CHCHD6: variants seen among roughly 807,000 people sequenced by gnomAD.
The protein encoded by CHCHD6 is MICOS complex subunit MIC25.
In CHCHD6, 28 loss-of-function variants were observed where a neutral mutation model predicts 32.3. The ratio of observed to expected loss-of-function variants is 0.87; its 90% CI spans 0.64 to 1.19. The LOEUF (loss-of-function observed/expected upper bound fraction) is 1.19, where lower values mean the gene tolerates loss of function less well. Ranked by LOEUF, CHCHD6 falls within the 50% of genes most tolerant of loss-of-function variation. The pLI, the probability that CHCHD6 is intolerant of heterozygous loss-of-function variation, is 0.00. For synonymous variants in CHCHD6, 122 were observed against 117.5 expected (o/e 1.04, Z -0.25); for missense variants, 333 against 307.0 (o/e 1.08, Z -0.63).
intron 5 of CHCHD6, among the ~76,000 whole-genome samples, chr3:126,874,140 C>T (rs1034623731): frequency 3.9e-5 from 6 of 152,164 alleles, no homozygotes; most frequent in Admixed American, 1.3e-4. Context: ...GAACTCATGA[C>T]GCCTCAGGAC....
chr3:126,768,059 T>A (rs976999409), intron 4 of CHCHD6, among the ~76,000 whole-genome samples: 1 of 152,206 alleles, frequency 6.6e-6, no homozygotes, highest in Non-Finnish European at 1.5e-5. Flanking sequence ...AGTGAACATA[T>A]GTGATATGGT....
chr3:126,925,901 A>G (rs1280134184), intron 6 of CHCHD6, among the ~76,000 whole-genome samples: 1 of 152,212 alleles, frequency 6.6e-6, no homozygotes, highest in Non-Finnish European at 1.5e-5. Flanking sequence ...TCTAGAACTT[A>G]ACCTCTGATT....
At chr3:126,884,602 C>T (rs1412559474) in intron 5 of CHCHD6, among the ~76,000 whole-genome samples, 2 of 152,154 alleles carry the variant, frequency 1.3e-5, no homozygotes, top group Non-Finnish European at 2.9e-5. Flanking sequence ...AGGAACTGAA[C>T]TTGTTTTGAA....
At chr3:126,749,009 A>G (rs1398167787) in intron 4 of CHCHD6, among the ~76,000 whole-genome samples, 1 of 152,244 alleles carries the variant, frequency 6.6e-6, no homozygotes, top group African/African-American at 2.4e-5. Context: ...AGGAGTGGAC[A>G]TGTGAGCCGC....
rs568390131 is a variant in CHCHD6 at position 126,938,402 on chromosome 3, A to G, written c.567-19014A>G. On this transcript the variant is annotated intron_variant, in intron 6 of 7. Coordinates refer to ENST00000290913, the MANE Select transcript of CHCHD6 (RefSeq NM_032343.3). ...AAGATGGTGATACGAGAACAAGGCA[A>G]TGAGCTGGGTGTTTAGATGCTGTGG... Among the ~76,000 whole-genome samples, 46 of 152,312 alleles carry G rather than the reference A, an allele frequency of 3.0e-4. 1 individual carries two copies. The highest frequency in any genetic ancestry group is 1.1e-3 in the African/African-American group (46 of 41,584).
chr3:126,733,220 C>G lies in CHCHD6; in HGVS notation c.409C>G (p.Leu137Val). 1.2e-6 allele frequency: 2 copies of G among 1,613,230 alleles called. No individual in the cohort carries two copies. Among genetic ancestry groups the G allele is most frequent in the Non-Finnish European group, 1.7e-6 (2 of 1,179,652 alleles). ...CCATGAGGAGCAGAAGTCAGTCCGGCTGGTGAGTGCAGATTTTCCCTGATC... is the reference window on the plus strand; with the variant it reads ...CCATGAGGAGCAGAAGTCAGTCCGGGTGGTGAGTGCAGATTTTCCCTGATC... Reference protein sequence around the residue: ...ISHEEQKSVRLARELESREAE... With the variant: ...ISHEEQKSVRVARELESREAE... The change falls in exon 4 of 8, where the codon CTG becomes GTG. Residue 137 changes from leucine to valine, a missense_variant and splice_region_variant. Physicochemically the swap from Leu to Val is conservative, Grantham distance 32. Coordinates refer to ENST00000290913, the MANE Select transcript of CHCHD6 (RefSeq NM_032343.3).
chr3:126,958,730 A>C (rs1293962265), intron 7 of CHCHD6, among the ~76,000 whole-genome samples: 10 of 152,210 alleles, frequency 6.6e-5, no homozygotes, highest in Admixed American at 5.9e-4. Flanking sequence ...CAAGAGAGGG[A>C]AGCCCTGGGT....
At chr3:126,712,261 T>C (rs1421138031) in intron 1 of CHCHD6, among the ~76,000 whole-genome samples, 5 of 152,228 alleles carry the variant, frequency 3.3e-5, no homozygotes, top group Non-Finnish European at 7.3e-5. Flanking sequence ...AAGGGTTTAG[T>C]TGAATATCCT....
chr3:126,864,625 C>G (rs1375407743), intron 5 of CHCHD6, among the ~76,000 whole-genome samples: 1 of 147,068 alleles, frequency 6.8e-6, no homozygotes, highest in Non-Finnish European at 1.5e-5. Flanking sequence ...CCACCTCCTT[C>G]TCCTCCACCA....
chr3:126,753,993 T>G (rs772918776), intron 4 of CHCHD6, among the ~76,000 whole-genome samples: 12 of 152,190 alleles, frequency 7.9e-5, no homozygotes, highest in Non-Finnish European at 1.3e-4. Flanking sequence ...GGGATCCTGT[T>G]AGAATTATTC....
At chr3:126,769,590 G>A (rs1937508175) in intron 4 of CHCHD6, among the ~76,000 whole-genome samples, 1 of 152,016 alleles carries the variant, frequency 6.6e-6, no homozygotes, top group Non-Finnish European at 1.5e-5. Context: ...TGCAACCTCT[G>A]CCTCCCAGTT....
intron 4 of CHCHD6, among the ~76,000 whole-genome samples, chr3:126,792,241 AATATAGAAT>A (rs916826366): frequency 1.4e-5 from 2 of 147,504 alleles, no homozygotes; most frequent in Non-Finnish European, 3.0e-5. Context: ...TATATATTCT[AATATAGAAT>A]ATATATTCTA....
chr3:126,744,279 G>A (rs1219167747), intron 4 of CHCHD6, among the ~76,000 whole-genome samples: 1 of 152,178 alleles, frequency 6.6e-6, no homozygotes, highest in East Asian at 1.9e-4. Context: ...CTACCATTCT[G>A]CTTTTTCCTT....
chr3:126,833,039 A>C (rs1940704594), intron 4 of CHCHD6, among the ~76,000 whole-genome samples: 1 of 152,256 alleles, frequency 6.6e-6, no homozygotes. Flanking sequence ...GGAATGAGGC[A>C]CATAGTGACA....
intron 5 of CHCHD6, among the ~76,000 whole-genome samples, chr3:126,887,665 A>G (rs1411941101): frequency 2.0e-5 from 3 of 152,056 alleles, no homozygotes; most frequent in African/African-American, 7.2e-5. Flanking sequence ...TCTGGCCTTC[A>G]GGGACTCCAG....
chr3:126,805,079 C>G (rs1445773426), intron 4 of CHCHD6, among the ~76,000 whole-genome samples: 1 of 152,080 alleles, frequency 6.6e-6, no homozygotes, highest in Non-Finnish European at 1.5e-5. Flanking sequence ...TTATGACAAA[C>G]CCACAGCCAA....
At chr3:126,845,500 T>C (rs879619263) in intron 4 of CHCHD6, among the ~76,000 whole-genome samples, 9 of 152,214 alleles carry the variant, frequency 5.9e-5, no homozygotes, top group African/African-American at 1.4e-4. Context: ...TTAGTTGTCG[T>C]CAATCAACTC....
At chr3:126,925,972 A>G (rs569089368) in intron 6 of CHCHD6, among the ~76,000 whole-genome samples, 7 of 152,346 alleles carry the variant, frequency 4.6e-5, no homozygotes, top group Admixed American at 1.3e-4. Context: ...GAGAGGATAT[A>G]TAACAATGGA....
chr3:126,852,828 C>A, intron 5 of CHCHD6, 98 bp downstream of exon 5: 2 of 810,078 alleles, frequency 2.5e-6, no homozygotes, highest in African/African-American at 1.7e-5. Context: ...GTCCGCAGAC[C>A]CAGTGCCCAT....
Sources: gnomAD v4.1 joint callset for allele counts (sites outside exome capture counted in the v4.1 genomes callset) on GRCh38, gnomAD v4.1.1 for gene constraint, MANE v1.5 for transcripts, NCBI Gene and HGNC (gene_info 2026-07-23, HGNC 2026-07-21) for gene names.